GABRG3: variants seen among roughly 807,000 people sequenced by gnomAD.
The protein encoded by GABRG3 is gamma-aminobutyric acid type A receptor subunit gamma3, also known as gamma-aminobutyric acid receptor subunit gamma-3.
Under a neutral mutation model 48.8 loss-of-function variants are expected in GABRG3, and 25 were observed. The observed-to-expected ratio is 0.51, with a 90% CI of 0.37 to 0.72. GABRG3 has a LOEUF of 0.72. Among genes scored for constraint, GABRG3 ranks in the 30% least tolerant of loss-of-function variants. The pLI is 0.00. For missense variants in GABRG3, 394 were observed against 577.9 expected, an observed-to-expected ratio of 0.68 and a Z score of 3.26; for synonymous variants, 227 against 217.6, an observed-to-expected ratio of 1.04 and a Z score of -0.38.
At chr15:27,123,162 T>A (rs886580445) in intron 3 of GABRG3, among the ~76,000 whole-genome samples, 5 of 152,258 alleles carry the variant, frequency 3.3e-5, no homozygotes, top group Non-Finnish European at 7.3e-5. Flanking sequence ...AAGGTTGGAA[T>A]ATGCTGATGG....
chr15:26,989,532 G>C (rs1184205218), intron 2 of GABRG3, among the ~76,000 whole-genome samples: 2 of 152,018 alleles, frequency 1.3e-5, no homozygotes, highest in Admixed American at 1.3e-4. Flanking sequence ...TGCTTATGAG[G>C]TACATGAGAC....
Position 27,502,233 on chromosome 15 carries a change from A to G in GABRG3, c.713-17739A>G, listed in dbSNP as rs145865531. On this transcript the variant is annotated intron_variant, in intron 6 of 9. Transcript: ENST00000615808. Reference sequence around the variant, plus strand: ...TTGTATTCAATATCATTGTTATTCAATGAATAATACTTTGTAGCTTATATT... The same window carrying G: ...TTGTATTCAATATCATTGTTATTCAGTGAATAATACTTTGTAGCTTATATT... Among the ~76,000 whole-genome samples, 623 of 152,340 alleles carry G rather than the reference A, an allele frequency of 4.1e-3. 9 individuals are homozygous for G. The highest frequency in any genetic ancestry group is 0.014 in the African/African-American group (588 of 41,572).
At chr15:27,098,933 A>G (rs970884994) in intron 3 of GABRG3, among the ~76,000 whole-genome samples, 1 of 152,110 alleles carries the variant, frequency 6.6e-6, no homozygotes, top group Non-Finnish European at 1.5e-5. Context: ...AAGAAGGCGG[A>G]TTGCCTGGTG....
chr15:27,425,059 G>A (rs148476325), intron 5 of GABRG3, among the ~76,000 whole-genome samples: 351 of 152,242 alleles, frequency 2.3e-3, no homozygotes, highest in Admixed American at 0.016. Context: ...AGGCCCAGGT[G>A]AGCTTCCCTG....
chr15:27,065,494 G>A (rs1240017182), intron 3 of GABRG3, among the ~76,000 whole-genome samples: 3 of 152,120 alleles, frequency 2.0e-5, no homozygotes, highest in African/African-American at 4.8e-5. Context: ...CTTGGTCCCC[G>A]GAGAAGCTGC....
chr15:27,288,919 C>T (rs896806815), intron 3 of GABRG3, among the ~76,000 whole-genome samples: 21 of 152,120 alleles, frequency 1.4e-4, no homozygotes, highest in Non-Finnish European at 2.6e-4. Context: ...TTGTTTTACA[C>T]TAACTTTAGA....
At chr15:27,224,455 C>G (rs1889548482) in intron 3 of GABRG3, among the ~76,000 whole-genome samples, 1 of 152,140 alleles carries the variant, frequency 6.6e-6, no homozygotes, top group African/African-American at 2.4e-5. Context: ...CAGGTCCTCA[C>G]CTGGGCCTGC....
intron 3 of GABRG3, among the ~76,000 whole-genome samples, chr15:27,241,270 G>A (rs1366308215): frequency 2.6e-5 from 4 of 152,270 alleles, no homozygotes; most frequent in East Asian, 1.9e-4. Flanking sequence ...GTGAGGGAAT[G>A]GGAAACCTGT....
rs559753141 is a variant in GABRG3, at chr15:27,271,499, C to T, written c.271-55310C>T. On this transcript the variant is annotated intron_variant, in intron 3 of 9. Coordinates refer to ENST00000615808, the MANE Select transcript of GABRG3 (RefSeq NM_033223.5). Reference sequence around the variant, plus strand: ...GCCATGCCCTCAGAGCAACAGGCCACGCCCCGGAGCCCCCAGGCCACGCCC... The same window carrying T: ...GCCATGCCCTCAGAGCAACAGGCCATGCCCCGGAGCCCCCAGGCCACGCCC... 1.9e-4 allele frequency: 85 copies of T among 453,466 alleles called. 1 individual carries two copies. The highest frequency in any genetic ancestry group is 1.3e-3 in the Admixed American group (55 of 42,386). The allele number at this position is 453,466 out of a possible 1,614,324, so 28.1% of individuals were successfully genotyped here.
At chr15:27,492,007 C>T (rs748489899) in intron 6 of GABRG3, among the ~76,000 whole-genome samples, 11 of 152,122 alleles carry the variant, frequency 7.2e-5, no homozygotes, top group Non-Finnish European at 1.2e-4. Flanking sequence ...TATCAAACCA[C>T]GTTGGGGTAA....
chr15:27,419,855 G>A lies in GABRG3; in HGVS notation c.575-60795G>A, dbSNP rs533404479. The stretch of plus-strand genomic sequence containing the variant: ...ATCAAGTTGCTCTTCTGACAAATGG[G>A]TTGGGAACTTGCTGACAAAAATGTA... On this transcript the variant is annotated intron_variant, in intron 5 of 9. Transcript: ENST00000615808. Among the ~76,000 whole-genome samples the A allele has an allele frequency of 2.6e-5, 4 of 152,172 alleles. No individual in the cohort carries two copies. The East Asian group carries it at 7.7e-4, about 29-fold the overall frequency.
intron 3 of GABRG3, among the ~76,000 whole-genome samples, chr15:27,241,520 C>T (rs771834170): frequency 1.8e-4 from 28 of 152,172 alleles, no homozygotes; most frequent in Non-Finnish European, 3.4e-4. Context: ...CTTCCTGGAG[C>T]AACAGGTTTT....
intron 3 of GABRG3, among the ~76,000 whole-genome samples, chr15:27,121,624 C>T (rs1265183225): frequency 6.6e-6 from 1 of 152,176 alleles, no homozygotes; most frequent in African/African-American, 2.4e-5. Context: ...ACCTACTGTT[C>T]CAAGCTCTTT....
At chr15:27,172,247 A>G (rs146566760) in intron 3 of GABRG3, among the ~76,000 whole-genome samples, 2 of 152,286 alleles carry the variant, frequency 1.3e-5, no homozygotes, top group Non-Finnish European at 2.9e-5. Context: ...CAGTGTGGAC[A>G]GGTGCATGGA....
chr15:27,355,740 A>G (rs1190672734), intron 5 of GABRG3, among the ~76,000 whole-genome samples: 3 of 152,248 alleles, frequency 2.0e-5, no homozygotes, highest in Non-Finnish European at 4.4e-5. Flanking sequence ...TCGCTAATGA[A>G]TGGGTAAATA....
At chr15:27,019,473 A>G (rs1000357692) in intron 2 of GABRG3, among the ~76,000 whole-genome samples, 2 of 151,844 alleles carry the variant, frequency 1.3e-5, no homozygotes, top group African/African-American at 2.4e-5. Flanking sequence ...CAGTTAAGTC[A>G]CTCCTCACTC....
At chr15:27,097,564 G>A (rs1897285910) in intron 3 of GABRG3, among the ~76,000 whole-genome samples, 2 of 148,924 alleles carry the variant, frequency 1.3e-5, no homozygotes, top group African/African-American at 5.0e-5. Flanking sequence ...AATCATTTTT[G>A]TCTTTCAGGA....
At chr15:27,001,644 G>T (rs993528740) in intron 2 of GABRG3, among the ~76,000 whole-genome samples, 9 of 152,202 alleles carry the variant, frequency 5.9e-5, no homozygotes, top group Non-Finnish European at 5.9e-5. Context: ...ACAGGGCAGG[G>T]ATGTGCAGTT....
rs764889048 is a variant in GABRG3, at chr15:27,409,536, A to G, written c.575-71114A>G. Among the ~76,000 whole-genome samples, 76 of 152,220 alleles carry G rather than the reference A, an allele frequency of 5.0e-4. 1 individual carries two copies. The highest frequency in any genetic ancestry group is 9.8e-4 in the Admixed American group (15 of 15,288). On this transcript the variant is annotated intron_variant, in intron 5 of 9. Transcript: ENST00000615808. ...TAACATCAGGTAGAGTGCTTCCCCC[A>G]TTTTAATTCTTTTTTGAAATTGTTT...
Sources: allele counts gnomAD v4.1 joint callset (sites outside exome capture counted in the v4.1 genomes callset), GRCh38; gene constraint gnomAD v4.1.1; transcripts MANE v1.5; gene names NCBI Gene and HGNC (gene_info 2026-07-23, HGNC 2026-07-21).